Variants in SUMF1 observed in about 807,000 individuals in gnomAD.
SUMF1 encodes the protein formylglycine-generating enzyme.
Under a neutral mutation model 47.6 loss-of-function variants are expected in SUMF1, and 48 were observed. The ratio of observed to expected loss-of-function variants is 1.01; its 90% CI spans 0.80 to 1.28. SUMF1 has a LOEUF of 1.28. Ranked by LOEUF, SUMF1 falls within the 50% of genes most tolerant of loss-of-function variation. SUMF1 has a pLI of 0.00. For missense variants in SUMF1, 571 were observed against 485.4 expected (o/e 1.18, Z -1.66); for synonymous variants, 230 against 192.1 (o/e 1.20, Z -1.63).
At chr3:4,191,079 G>A (rs570705820) in intron 8 of SUMF1, among the ~76,000 whole-genome samples, 2 of 152,286 alleles carry the variant, frequency 1.3e-5, no homozygotes, top group South Asian at 4.1e-4. Flanking sequence ...CCCCTCTGAG[G>A]AGATGACATC....
intron 8 of SUMF1, among the ~76,000 whole-genome samples, chr3:4,152,535 C>G (rs1289991200): frequency 1.3e-5 from 2 of 151,148 alleles, no homozygotes; most frequent in Non-Finnish European, 2.9e-5. Context: ...TCAAGTGATC[C>G]TCCCTCCTCA....
At chr3:4,043,523 G>A (rs1434543533) in intron 9 of SUMF1, among the ~76,000 whole-genome samples, 2 of 152,012 alleles carry the variant, frequency 1.3e-5, no homozygotes, top group Non-Finnish European at 2.9e-5. Flanking sequence ...TTCACAGGAA[G>A]TCATAAGCCA....
intron 8 of SUMF1, among the ~76,000 whole-genome samples, chr3:4,166,802 G>A (rs1694717233): frequency 6.6e-6 from 1 of 152,028 alleles, no homozygotes; most frequent in Non-Finnish European, 1.5e-5. Context: ...CCTCTCTGTT[G>A]ACCCTCAGCT....
At position 4,467,228 on chromosome 3, in the gene SUMF1, T is replaced by G; in HGVS notation, c.18A>C (p.Leu6=). The part of the protein sequence containing the change: MAAPA[L]GLVCGRCPEL... ...CAGGGCAACGTCCACACACCAGCCC[T>G]AGTGCGGGCGCAGCCATGTTGTCCC... Residue 6 remains leucine, a synonymous_variant, in exon 1 of 9, where the codon CTA becomes CTC. Transcript: ENST00000272902. The G allele has an allele frequency of 6.2e-7, 1 of 1,610,716 alleles. No homozygotes were observed. The highest frequency in any genetic ancestry group is 1.1e-5 in the South Asian group (1 of 90,384).
At chr3:4,183,337 A>G (rs1344457556) in intron 8 of SUMF1, among the ~76,000 whole-genome samples, 1 of 152,212 alleles carries the variant, frequency 6.6e-6, no homozygotes, top group African/African-American at 2.4e-5. Context: ...TTTATGTATT[A>G]AAATGTGAAG....
chr3:4,316,489 C>T (rs1333708420), intron 8 of SUMF1: 4 of 1,601,572 alleles, frequency 2.5e-6, no homozygotes, highest in Non-Finnish European at 3.4e-6. Flanking sequence ...CGAGAAGTTG[C>T]TGAAGAACTC....
intron 8 of SUMF1, among the ~76,000 whole-genome samples, chr3:4,277,904 T>C (rs1357978812): frequency 6.6e-6 from 1 of 152,116 alleles, no homozygotes; most frequent in East Asian, 1.9e-4. Context: ...AATCTAATCA[T>C]CACTATCATT....
chr3:4,376,914 G>C (rs1338561270), intron 7 of SUMF1, among the ~76,000 whole-genome samples: 1 of 151,970 alleles, frequency 6.6e-6, no homozygotes, highest in African/African-American at 2.4e-5. Flanking sequence ...TCCCTCCTCA[G>C]CCTCCCAAGT....
chr3:4,063,355 A>T (rs1199629931), intron 9 of SUMF1, among the ~76,000 whole-genome samples: 1 of 152,106 alleles, frequency 6.6e-6, no homozygotes, highest in Non-Finnish European at 1.5e-5. Context: ...TCAGCAGCTT[A>T]CAGAGACTGC....
At chr3:4,078,439 T>C (rs995477516) in intron 8 of SUMF1, among the ~76,000 whole-genome samples, 37 of 152,144 alleles carry the variant, frequency 2.4e-4, no homozygotes, top group African/African-American at 8.0e-4. Flanking sequence ...ATGTGTTTCA[T>C]TAGTTACAGA....
chr3:4,117,335 C>T (rs1693443566), intron 8 of SUMF1, among the ~76,000 whole-genome samples: 1 of 151,656 alleles, frequency 6.6e-6, no homozygotes, highest in African/African-American at 2.4e-5. Context: ...TTACAGAATA[C>T]AACAAGTGTA....
At chr3:4,151,482 TGTGTATATATAC>T (rs1694329426) in intron 8 of SUMF1, among the ~76,000 whole-genome samples, 2 of 146,710 alleles carry the variant, frequency 1.4e-5, no homozygotes, top group African/African-American at 5.1e-5. Context: ...TATGTATATA[TGTGTATATATAC>T]GTATATATGT....
At chr3:4,285,479 A>T (rs936617740) in intron 8 of SUMF1, among the ~76,000 whole-genome samples, 2 of 152,186 alleles carry the variant, frequency 1.3e-5, no homozygotes, top group African/African-American at 4.8e-5. Context: ...TGATTCTTAT[A>T]AGGAAAAAAT....
At chr3:4,449,143 T>G in intron 3 of SUMF1, 123 bp downstream of exon 3, 1 of 1,083,860 alleles carries the variant, frequency 9.2e-7, no homozygotes, top group Non-Finnish European at 1.4e-6. Flanking sequence ...GGGTCAATCC[T>G]CAGCAGGAGA....
chr3:4,155,892 G>T (rs1250451113), intron 8 of SUMF1, among the ~76,000 whole-genome samples: 1 of 151,106 alleles, frequency 6.6e-6, no homozygotes, highest in Non-Finnish European at 1.5e-5. Context: ...CCCCTCCACA[G>T]ATACTCTTCA....
At chr3:4,093,800 T>C (rs1296715070) in intron 8 of SUMF1, among the ~76,000 whole-genome samples, 2 of 152,118 alleles carry the variant, frequency 1.3e-5, no homozygotes, top group African/African-American at 4.8e-5. Flanking sequence ...CAAGGTGGAA[T>C]ATGTAAATTA....
At chr3:4,316,999 A>G in intron 8 of SUMF1, 1 of 1,549,416 alleles carries the variant, frequency 6.5e-7, no homozygotes, top group Non-Finnish European at 8.7e-7. Flanking sequence ...CAAAAGTTGA[A>G]TGAATTGGGC....
chr3:4,101,701 C>T (rs919431558), intron 8 of SUMF1, among the ~76,000 whole-genome samples: 7 of 152,038 alleles, frequency 4.6e-5, no homozygotes, highest in African/African-American at 1.7e-4. Flanking sequence ...GCTATTTAAC[C>T]AGATTTGTTT....
At chr3:4,251,446 A>C (rs939470876) in intron 8 of SUMF1, among the ~76,000 whole-genome samples, 1 of 152,238 alleles carries the variant, frequency 6.6e-6, no homozygotes, top group African/African-American at 2.4e-5. Context: ...CAATTTAGTC[A>C]ATAAAGCAGC....
Sources: gnomAD v4.1 joint callset for allele counts (sites outside exome capture counted in the v4.1 genomes callset) on GRCh38, gnomAD v4.1.1 for gene constraint, MANE v1.5 for transcripts, NCBI Gene and HGNC (gene_info 2026-07-23, HGNC 2026-07-21) for gene names.